The following IL1RAPL2 variants were observed in gnomAD, a reference collection of about 807,000 sequenced individuals.
IL1RAPL2 encodes X-linked interleukin-1 receptor accessory protein-like 2.
Under a neutral mutation model 44.1 loss-of-function variants are expected in IL1RAPL2, and 3 were observed. The ratio of observed to expected loss-of-function variants is 0.07; its 90% CI spans 0.03 to 0.18. IL1RAPL2 has a LOEUF of 0.18. Among genes scored for constraint, IL1RAPL2 ranks in the 10% least tolerant of loss-of-function variants. The pLI is 1.00. For synonymous variants in IL1RAPL2, 181 were observed against 178.8 expected (o/e 1.01, Z -0.10); for missense variants, 391 against 496.4 (o/e 0.79, Z 2.02).
At chrX:105,113,701 G>A (rs1187628783) in intron 2 of IL1RAPL2, among the ~76,000 whole-genome samples, 1 of 111,433 alleles carries the variant, frequency 9.0e-6, no homozygotes. Flanking sequence ...TATCTGTCCT[G>A]AATCCTCTCT....
intron 2 of IL1RAPL2, among the ~76,000 whole-genome samples, chrX:104,757,257 G>T (rs1932355180): frequency 9.0e-6 from 1 of 111,566 alleles, no homozygotes; most frequent in African/African-American, 3.3e-5. Context: ...GAGAACAAAA[G>T]GAATCAAAGT....
intron 2 of IL1RAPL2, among the ~76,000 whole-genome samples, chrX:104,981,679 C>A (rs925876810): frequency 5.4e-5 from 6 of 110,820 alleles, no homozygotes; most frequent in Non-Finnish European, 7.6e-5. Flanking sequence ...ATGCTTCCAG[C>A]TTTTGCCCAC....
intron 5 of IL1RAPL2, among the ~76,000 whole-genome samples, chrX:105,303,276 G>C (rs2147675663): frequency 8.9e-6 from 1 of 112,236 alleles, no homozygotes; most frequent in Non-Finnish European, 1.9e-5. Context: ...CGCACAAAAA[G>C]AGAGGCCAGG....
chrX:104,904,074 C>T (rs1050226575), intron 2 of IL1RAPL2, among the ~76,000 whole-genome samples: 3 of 110,480 alleles, frequency 2.7e-5, no homozygotes, highest in Non-Finnish European at 5.7e-5. Context: ...TGCAAAACTG[C>T]CTGCATATGC....
At chrX:105,253,821 A>G (rs1370189977) in intron 4 of IL1RAPL2, among the ~76,000 whole-genome samples, 1 of 111,825 alleles carries the variant, frequency 8.9e-6, no homozygotes, top group African/African-American at 3.2e-5. Context: ...CATTCCCTGC[A>G]TTAGTTTGCT....
intron 6 of IL1RAPL2, among the ~76,000 whole-genome samples, chrX:105,553,618 A>G (rs1460570716): frequency 1.8e-5 from 2 of 112,404 alleles, no homozygotes; most frequent in Non-Finnish European, 3.8e-5. Flanking sequence ...ATTACCTTAC[A>G]TGATATCTTT....
intron 6 of IL1RAPL2, among the ~76,000 whole-genome samples, chrX:105,585,204 AAT>A (rs1409366371): frequency 9.1e-6 from 1 of 110,171 alleles, no homozygotes; most frequent in Non-Finnish European, 1.9e-5. Flanking sequence ...TTTGGATTTT[AAT>A]ATGTTTCTAT....
At chrX:104,948,237 A>G (rs1256522670) in intron 2 of IL1RAPL2, among the ~76,000 whole-genome samples, 2 of 108,429 alleles carry the variant, frequency 1.8e-5, no homozygotes, top group African/African-American at 6.7e-5. Flanking sequence ...TTGGTGTATA[A>G]GAATGCTTGT....
intron 1 of IL1RAPL2, among the ~76,000 whole-genome samples, chrX:104,577,033 G>A (rs776438097): frequency 9.3e-4 from 104 of 112,002 alleles, no homozygotes; most frequent in African/African-American, 3.1e-3. Context: ...TTCCATTCAG[G>A]CAGTTGTTCT....
chrX:105,255,169 A>G (rs1410216428), intron 4 of IL1RAPL2, among the ~76,000 whole-genome samples: 4 of 111,909 alleles, frequency 3.6e-5, no homozygotes, highest in South Asian at 7.4e-4. Context: ...CTTCCTATCC[A>G]TAAGCATGGG....
At chrX:105,727,510 C>CAGA (rs1275290696) in intron 7 of IL1RAPL2, among the ~76,000 whole-genome samples, 2 of 111,197 alleles carry the variant, frequency 1.8e-5, no homozygotes, top group Non-Finnish European at 3.8e-5. Flanking sequence ...ATGAGGACAG[C>CAGA]AGAAGTGCTA....
intron 6 of IL1RAPL2, among the ~76,000 whole-genome samples, chrX:105,694,882 A>T (rs1304994474): frequency 9.0e-6 from 1 of 111,518 alleles, no homozygotes; most frequent in Non-Finnish European, 1.9e-5. Context: ...ATTGATTAAG[A>T]TTTCATTTGG....
At chrX:104,625,540 TTTC>T (rs779513697) in intron 1 of IL1RAPL2, among the ~76,000 whole-genome samples, 3 of 111,386 alleles carry the variant, frequency 2.7e-5, no homozygotes, top group Non-Finnish European at 3.8e-5. Context: ...TTGTCTTCTT[TTTC>T]TTCTTCTCTT....
intron 2 of IL1RAPL2, among the ~76,000 whole-genome samples, chrX:104,834,214 A>G (rs868017839): frequency 2.7e-5 from 3 of 111,881 alleles, no homozygotes; most frequent in African/African-American, 9.7e-5. Flanking sequence ...TCTTCTGCTT[A>G]TTTGTGATGC....
chrX:105,628,456 T>G (rs918015339), intron 6 of IL1RAPL2, among the ~76,000 whole-genome samples: 1 of 112,009 alleles, frequency 8.9e-6, no homozygotes, highest in African/African-American at 3.2e-5. Context: ...AATTGTAAAA[T>G]TAAGACTGTC....
chrX:105,737,848 G>T (rs1340272984), intron 7 of IL1RAPL2, among the ~76,000 whole-genome samples: 1 of 111,767 alleles, frequency 8.9e-6, no homozygotes, highest in Non-Finnish European at 1.9e-5. Context: ...TCCCAATTTT[G>T]TCTTGGTTAG....
intron 2 of IL1RAPL2, among the ~76,000 whole-genome samples, chrX:105,004,738 T>C (rs1403382548): frequency 9.0e-6 from 1 of 111,191 alleles, no homozygotes; most frequent in Non-Finnish European, 1.9e-5. Flanking sequence ...TATTTTCACC[T>C]ATTTTTAATA....
At chrX:105,241,058 C>G (rs896887428) in intron 4 of IL1RAPL2, among the ~76,000 whole-genome samples, 12 of 111,307 alleles carry the variant, frequency 1.1e-4, no homozygotes, top group Middle Eastern at 4.6e-3. Context: ...TCAAAACAAA[C>G]AAATAAACAA....
At chrX:104,906,339 A>C (rs1449817126) in intron 2 of IL1RAPL2, among the ~76,000 whole-genome samples, 33 of 110,172 alleles carry the variant, frequency 3.0e-4, no homozygotes, top group Non-Finnish European at 5.7e-4. Context: ...TTCCAACACT[A>C]TGTTGAATAG....
Sources: allele counts gnomAD v4.1 joint callset (sites outside exome capture counted in the v4.1 genomes callset), GRCh38; gene constraint gnomAD v4.1.1; transcripts MANE v1.5; gene names NCBI Gene and HGNC (gene_info 2026-07-23, HGNC 2026-07-21).